LBH: variants seen among roughly 807,000 people sequenced by gnomAD.
The protein encoded by LBH is protein LBH.
In LBH, 7 loss-of-function variants were observed where a neutral mutation model predicts 12.5. That is an observed-to-expected ratio of 0.56 (90% CI 0.32 to 1.05). LBH has a LOEUF of 1.05. Ranked by LOEUF, LBH falls within the 50% of genes least tolerant of loss-of-function variation. LBH has a pLI of 0.04. For missense variants in LBH, 119 were observed against 138.9 expected, an observed-to-expected ratio of 0.86 and a Z score of 0.72; for synonymous variants, 51 against 50.1, an observed-to-expected ratio of 1.02 and a Z score of -0.08.
intron 2 of LBH, among the ~76,000 whole-genome samples, chr2:30,242,513 G>T (rs1182826140): frequency 3.9e-5 from 6 of 152,210 alleles, no homozygotes; most frequent in African/African-American, 1.4e-4. Context: ...AAAGTGCTGG[G>T]ATTACAGGCG....
intron 2 of LBH, among the ~76,000 whole-genome samples, chr2:30,249,293 G>T (rs193115857): frequency 6.6e-6 from 1 of 152,342 alleles, no homozygotes; most frequent in Non-Finnish European, 1.5e-5. Context: ...TTGTTAGGGG[G>T]CAAAGAACAG....
At chr2:30,240,014 A>G (rs779934445) in intron 2 of LBH, among the ~76,000 whole-genome samples, 3 of 152,134 alleles carry the variant, frequency 2.0e-5, no homozygotes, top group Non-Finnish European at 4.4e-5. Context: ...CTAGGGCCAT[A>G]CATCCCGGCC....
At chr2:30,243,955 G>A (rs546663262) in intron 2 of LBH, among the ~76,000 whole-genome samples, 1 of 152,324 alleles carries the variant, frequency 6.6e-6, no homozygotes, top group South Asian at 2.1e-4. Flanking sequence ...CCAGGCCAGT[G>A]CTCTAGCAGG....
At chr2:30,235,407 A>G in intron 2 of LBH, among the ~76,000 whole-genome samples, 1 of 152,170 alleles carries the variant, frequency 6.6e-6, no homozygotes, top group Non-Finnish European at 1.5e-5. Flanking sequence ...TGATGGGTCC[A>G]TGGGTCCGTG....
chr2:30,239,975 C>CT (rs1434904941), intron 2 of LBH, among the ~76,000 whole-genome samples: 1 of 152,184 alleles, frequency 6.6e-6, no homozygotes, highest in African/African-American at 2.4e-5. Flanking sequence ...AACAAGCTTT[C>CT]TTCACTTTCC....
chr2:30,235,473 G>T (rs1677673299), intron 2 of LBH, among the ~76,000 whole-genome samples: 1 of 152,128 alleles, frequency 6.6e-6, no homozygotes, highest in East Asian at 1.9e-4. Context: ...ACGCTGCCTT[G>T]CTCACATCTT....
intron 2 of LBH, among the ~76,000 whole-genome samples, chr2:30,247,592 G>A (rs551341702): frequency 4.3e-4 from 66 of 152,070 alleles, no homozygotes; most frequent in African/African-American, 1.4e-3. Flanking sequence ...ATGGTGCTCC[G>A]TGGCATGAGC....
chr2:30,233,254 A>T (rs1677624272), intron 1 of LBH: 1 of 152,268 alleles, frequency 6.6e-6, no homozygotes, highest in Non-Finnish European at 1.5e-5. Flanking sequence ...CCTAACTGTG[A>T]GGTATGCACT....
intron 2 of LBH, among the ~76,000 whole-genome samples, chr2:30,252,542 G>T (rs1282251701): frequency 6.6e-6 from 1 of 152,054 alleles, no homozygotes; most frequent in Non-Finnish European, 1.5e-5. Flanking sequence ...GGCGCCTGTC[G>T]TCGAAGCTAC....
chr2:30,231,823 C>A lies in LBH; in HGVS notation c.26+59C>A, dbSNP rs546504809. 289 of 1,478,302 alleles carry A rather than the reference C, an allele frequency of 2.0e-4. 3 individuals carry two copies. The South Asian group carries it at 3.2e-3, about 17-fold the overall frequency. The allele number at this position is 1,478,302 out of a possible 1,614,324, so 91.6% of individuals were successfully genotyped here. A position where few individuals can be genotyped will look rare whatever the true frequency, so the allele number is the denominator to read the frequency against. On this transcript the variant is annotated intron_variant, in intron 1 of 2. Coordinates refer to ENST00000395323, the MANE Select transcript of LBH (RefSeq NM_030915.4). ...TCGCGGCGGTGGCTGCGGGCCCGGG[C>A]GCCTGCTTCGTGCCGGCTCCGGGTG...
In LBH at chr2:30,257,589, G is replaced by A. The variant is rs754393032; in HGVS notation, c.286G>A (p.Glu96Lys). ...LVQEDEQDNC[E>K]ETAKENKEQ ...CCAGGAGGATGAGCAAGATAACTGC[G>A]AAGAGACAGCGAAAGAAAATAAAGA... Residue 96 changes from glutamate (E) to lysine (K), a missense_variant, in exon 3 of 3, where the codon GAA (glutamate) becomes AAA (lysine). Transcript: ENST00000395323. 1.5e-5 allele frequency: 25 copies of A among 1,613,310 alleles called. 1 individual carries two copies. The highest frequency in any genetic ancestry group is 7.7e-5 in the South Asian group (7 of 91,062).
At chr2:30,245,899 G>A (rs1308334425) in intron 2 of LBH, among the ~76,000 whole-genome samples, 1 of 150,842 alleles carries the variant, frequency 6.6e-6, no homozygotes, top group Non-Finnish European at 1.5e-5. Context: ...CACCTTTTAT[G>A]TTCCCCTCAA....
chr2:30,249,599 G>A (rs1328458717), intron 2 of LBH, among the ~76,000 whole-genome samples: 1 of 152,170 alleles, frequency 6.6e-6, no homozygotes, highest in Non-Finnish European at 1.5e-5. Flanking sequence ...CACGCCCTGG[G>A]GAAACAGAGC....
chr2:30,252,855 C>T (rs1678009110), intron 2 of LBH, among the ~76,000 whole-genome samples: 1 of 152,154 alleles, frequency 6.6e-6, no homozygotes, highest in African/African-American at 2.4e-5. Flanking sequence ...GGGAGAATCA[C>T]AGCTGGGGGT....
chr2:30,234,299 T>C, intron 1 of LBH, 106 bp from the exon 2 acceptor site: 3 of 887,638 alleles, frequency 3.4e-6, no homozygotes, highest in South Asian at 1.4e-5. Flanking sequence ...AACACCTCTC[T>C]TCCTGTCTCC....
chr2:30,249,906 A>G (rs887988999), intron 2 of LBH, among the ~76,000 whole-genome samples: 1 of 152,220 alleles, frequency 6.6e-6, no homozygotes, highest in African/African-American at 2.4e-5. Flanking sequence ...GTAGAGGAGG[A>G]GAATAGGCCA....
intron 2 of LBH, among the ~76,000 whole-genome samples, chr2:30,238,881 C>T (rs900247697): frequency 5.5e-5 from 8 of 144,782 alleles, no homozygotes; most frequent in African/African-American, 7.6e-5. Context: ...CACTCCTCCC[C>T]ACTCTTTTTT....
intron 2 of LBH, among the ~76,000 whole-genome samples, chr2:30,237,548 G>A (rs1677710887): frequency 6.6e-6 from 1 of 152,184 alleles, no homozygotes; most frequent in South Asian, 2.1e-4. Flanking sequence ...AGTGCTAAAA[G>A]TGGGTGGTGG....
intron 2 of LBH, among the ~76,000 whole-genome samples, chr2:30,254,187 T>G (rs1317926325): frequency 6.6e-6 from 1 of 152,238 alleles, no homozygotes; most frequent in Non-Finnish European, 1.5e-5. Context: ...TTTTATCCTA[T>G]ACATCCATAC....
Sources: gnomAD v4.1 joint callset for allele counts (sites outside exome capture counted in the v4.1 genomes callset) on GRCh38, gnomAD v4.1.1 for gene constraint, MANE v1.5 for transcripts, NCBI Gene and HGNC (gene_info 2026-07-23, HGNC 2026-07-21) for gene names.